Variants in METAP1D observed in about 807,000 individuals in gnomAD.
METAP1D encodes methionine aminopeptidase 1D, mitochondrial.
Under a neutral mutation model 40.5 loss-of-function variants are expected in METAP1D, and 31 were observed. That is an observed-to-expected ratio of 0.77 (90% CI 0.58 to 1.03). The LOEUF is 1.03. Among genes scored for constraint, METAP1D ranks in the 50% least tolerant of loss-of-function variants. METAP1D has a pLI of 0.00. For synonymous variants in METAP1D, 151 were observed against 146.4 expected (o/e 1.03, Z -0.22); for missense variants, 411 against 420.7 (o/e 0.98, Z 0.20).
At chr2:172,020,717 G>T (rs1331440022) in intron 1 of METAP1D, among the ~76,000 whole-genome samples, 1 of 152,174 alleles carries the variant, frequency 6.6e-6, no homozygotes, top group East Asian at 1.9e-4. Context: ...GATAAGTATT[G>T]TGGAGAAAAT....
intron 5 of METAP1D, among the ~76,000 whole-genome samples, chr2:172,066,610 G>C (rs921150957): frequency 6.6e-6 from 1 of 152,238 alleles, no homozygotes; most frequent in Non-Finnish European, 1.5e-5. Flanking sequence ...GATCCACTGT[G>C]TAGTTAACGC....
intron 1 of METAP1D, among the ~76,000 whole-genome samples, chr2:172,040,061 G>A (rs1228393503): frequency 6.6e-6 from 1 of 150,954 alleles, no homozygotes; most frequent in Non-Finnish European, 1.5e-5. Context: ...GGGTTCAAGC[G>A]ATTCTTCTGC....
chr2:172,016,300 A>AATATATATATATAT (rs1188835723), intron 1 of METAP1D, among the ~76,000 whole-genome samples: 69 of 40,040 alleles, frequency 1.7e-3, no homozygotes, highest in Non-Finnish European at 2.5e-3. Flanking sequence ...AAAAAAAAAA[A>AATATATATATATAT]ATATATATAT....
chr2:172,079,328 G>A, intron 8 of METAP1D, 66 bp downstream of exon 8: 15 of 1,497,000 alleles, frequency 1.0e-5, no homozygotes, highest in Non-Finnish European at 1.4e-5. Context: ...ACTGGCCTAG[G>A]CCCGGCAGTC....
intron 1 of METAP1D, among the ~76,000 whole-genome samples, chr2:172,053,623 T>C (rs1689935785): frequency 6.6e-6 from 1 of 152,216 alleles, no homozygotes; most frequent in African/African-American, 2.4e-5. Context: ...GATGTTAACA[T>C]GCTATAAATA....
chr2:172,047,060 T>C (rs1399475105), intron 1 of METAP1D, among the ~76,000 whole-genome samples: 1 of 152,264 alleles, frequency 6.6e-6, no homozygotes, highest in African/African-American at 2.4e-5. Flanking sequence ...TGTGTTTAGC[T>C]GAATTTAATA....
At chr2:172,014,944 G>T (rs1003031162) in intron 1 of METAP1D, among the ~76,000 whole-genome samples, 1 of 152,132 alleles carries the variant, frequency 6.6e-6, no homozygotes, top group Non-Finnish European at 1.5e-5. Context: ...CAGCCACTGC[G>T]CTGGCCTAGT....
chr2:172,069,672 T>C lies in METAP1D; in HGVS notation c.541-1235T>C, dbSNP rs562880637. Among the ~76,000 whole-genome samples, 13 of 152,290 alleles carry C rather than the reference T, an allele frequency of 8.5e-5. No homozygotes were observed. In the South Asian group the frequency reaches 1.2e-3, roughly 15 times the overall value. ...AGGACTGTAAGTGGGAGTAAATGTA[T>C]AAAACACTATTCTGTTGCAAGGTAA... On this transcript the variant is annotated intron_variant, in intron 5 of 9. Coordinates refer to ENST00000315796, the MANE Select transcript of METAP1D (RefSeq NM_199227.3).
rs1553490378 is a variant in METAP1D, at chr2:172,016,300, A to AAAAAAAAAT, written c.40+16292_40+16293insAAAAAAATA. On this transcript the variant is annotated intron_variant, in intron 1 of 9. Transcript: ENST00000315796. ...CAAAAAAAAAAAAAAAAAAAAAAAA[A>AAAAAAAAAT]ATATATATATATATATATATATATA... Among the ~76,000 whole-genome samples the AAAAAAAAAT allele has an allele frequency of 1.2e-3, 50 of 40,050 alleles. 2 individuals carry two copies. Among genetic ancestry groups the AAAAAAAAAT allele is most frequent in the Non-Finnish European group, 1.7e-3 (36 of 21,798 alleles). The allele number at this position is 40,050 out of a possible 152,430, so 26.3% of individuals were successfully genotyped here. A position where few individuals can be genotyped will look rare whatever the true frequency, so the allele number is the denominator to read the frequency against.
At chr2:172,013,401 A>G (rs1330108680) in intron 1 of METAP1D, among the ~76,000 whole-genome samples, 1 of 152,218 alleles carries the variant, frequency 6.6e-6, no homozygotes, top group Non-Finnish European at 1.5e-5. Flanking sequence ...TCCCTGAACT[A>G]GGACCGGGGG....
chr2:172,046,294 A>G (rs980792279), intron 1 of METAP1D, among the ~76,000 whole-genome samples: 21 of 151,612 alleles, frequency 1.4e-4, no homozygotes, highest in Admixed American at 1.1e-3. Flanking sequence ...AGCTGTCTGG[A>G]TGATTAATGT....
intron 1 of METAP1D, among the ~76,000 whole-genome samples, chr2:172,032,060 A>G (rs1053056657): frequency 6.6e-6 from 1 of 152,192 alleles, no homozygotes; most frequent in Non-Finnish European, 1.5e-5. Flanking sequence ...TGATTCACAT[A>G]GCCATAATTT....
chr2:172,017,549 A>G (rs1688904229), intron 1 of METAP1D, among the ~76,000 whole-genome samples: 1 of 152,024 alleles, frequency 6.6e-6, no homozygotes, highest in African/African-American at 2.4e-5. Context: ...ATTTCTGACT[A>G]ACAAAATTAC....
intron 5 of METAP1D, among the ~76,000 whole-genome samples, 168 bp downstream of exon 5, chr2:172,066,474 A>G (rs899152944): frequency 3.9e-5 from 6 of 152,194 alleles, no homozygotes; most frequent in Admixed American, 2.6e-4. Flanking sequence ...TGTTTATTCC[A>G]AGTAAACCCA....
intron 1 of METAP1D, among the ~76,000 whole-genome samples, chr2:172,036,529 C>T (rs1689391134): frequency 6.6e-6 from 1 of 151,330 alleles, no homozygotes; most frequent in African/African-American, 2.4e-5. Flanking sequence ...CCACGCCCGG[C>T]TAATTTTTTG....
Position 172,042,551 on chromosome 2 carries a change from ATG to A in METAP1D, c.41-18943_41-18942del, listed in dbSNP as rs1339728605. Reference sequence around the variant, plus strand: ...TGTACATATATACATATATGTGTGTATGTGTACATGTGCACATATATACATAT... The same window carrying A: ...TGTACATATATACATATATGTGTGTATGTACATGTGCACATATATACATAT... On this transcript the variant is annotated intron_variant, in intron 1 of 9. Transcript: ENST00000315796. 2.8e-4 allele frequency among the ~76,000 whole-genome samples: 9 copies of A among 32,574 alleles called. 4 individuals are homozygous for A. The highest frequency in any genetic ancestry group is 1.5e-3 in the African/African-American group (9 of 6,158). The allele number at this position is 32,574 out of a possible 152,430, so 21.4% of individuals were successfully genotyped here.
At position 172,076,896 on chromosome 2, in the gene METAP1D, A is replaced by G. The variant is rs182898942; in HGVS notation, c.705-901A>G. 3.1e-3 allele frequency among the ~76,000 whole-genome samples: 473 copies of G among 152,314 alleles called. 2 individuals are homozygous for G. Among genetic ancestry groups the G allele is most frequent in the African/African-American group, 0.01 (433 of 41,578 alleles). On this transcript the variant is annotated intron_variant, in intron 6 of 9. Coordinates refer to ENST00000315796, the MANE Select transcript of METAP1D (RefSeq NM_199227.3). ...CATGAAAATATAAATTCTTAATAGTATATATGTTCTTGTTTGTCTGATGCT... is the reference window on the plus strand; with the variant it reads ...CATGAAAATATAAATTCTTAATAGTGTATATGTTCTTGTTTGTCTGATGCT...
At chr2:172,007,337 T>A (rs962251474) in intron 1 of METAP1D, among the ~76,000 whole-genome samples, 3 of 152,054 alleles carry the variant, frequency 2.0e-5, no homozygotes, top group African/African-American at 7.2e-5. Context: ...GTCTGGCTAA[T>A]CATGTAATAT....
intron 1 of METAP1D, 25 bp downstream of exon 1, chr2:172,000,034 T>C: frequency 7.7e-7 from 1 of 1,303,408 alleles, no homozygotes. Flanking sequence ...GAGAGCCCCG[T>C]GAGGGTTCGC....
Sources: allele counts gnomAD v4.1 joint callset (sites outside exome capture counted in the v4.1 genomes callset), GRCh38; gene constraint gnomAD v4.1.1; transcripts MANE v1.5; gene names NCBI Gene and HGNC (gene_info 2026-07-23, HGNC 2026-07-21).